Variants in SEMA3E observed in about 807,000 individuals in gnomAD.
SEMA3E encodes semaphorin 3E, also known as semaphorin-3E.
SEMA3E carries 49 observed loss-of-function variants against 93.6 expected under a neutral mutation model. That is an observed-to-expected ratio of 0.52 (90% CI 0.42 to 0.66). The LOEUF (loss-of-function observed/expected upper bound fraction) is 0.66, where lower values mean the gene tolerates loss of function less well. Among genes scored for constraint, SEMA3E ranks in the 30% least tolerant of loss-of-function variants. SEMA3E has a pLI of 0.00. For synonymous variants in SEMA3E, 363 were observed against 330.7 expected, an observed-to-expected ratio of 1.10 and a Z score of -1.06; for missense variants, 906 against 964.8, an observed-to-expected ratio of 0.94 and a Z score of 0.81.
intron 4 of SEMA3E, among the ~76,000 whole-genome samples, chr7:83,436,783 T>C (rs1789012829): frequency 6.6e-6 from 1 of 152,218 alleles, no homozygotes; most frequent in African/African-American, 2.4e-5. Flanking sequence ...TTGTTCAATA[T>C]TGGAAGAAGC....
intron 1 of SEMA3E, among the ~76,000 whole-genome samples, chr7:83,507,473 T>A (rs1006887954): frequency 1.0e-4 from 14 of 138,170 alleles, no homozygotes; most frequent in East Asian, 4.3e-4. Flanking sequence ...TGTGTGTGTG[T>A]GAAAGGGAGA....
intron 1 of SEMA3E, among the ~76,000 whole-genome samples, chr7:83,627,688 T>C (rs1562861484): frequency 7.0e-6 from 1 of 142,336 alleles, no homozygotes; most frequent in Non-Finnish European, 1.5e-5. Context: ...CCTACAACCC[T>C]TTATTTTGAG....
intron 1 of SEMA3E, among the ~76,000 whole-genome samples, chr7:83,519,021 G>T (rs1301333934): frequency 6.6e-6 from 1 of 151,746 alleles, no homozygotes; most frequent in Non-Finnish European, 1.5e-5. Context: ...TGCACAATGT[G>T]CAGGTTAGTT....
At chr7:83,378,043 A>G (rs1156342523) in intron 16 of SEMA3E, among the ~76,000 whole-genome samples, 3 of 151,904 alleles carry the variant, frequency 2.0e-5, no homozygotes, top group Non-Finnish European at 4.4e-5. Context: ...TGATTTGGCT[A>G]TAATTTTAAC....
chr7:83,444,739 C>T (rs1184551548), intron 4 of SEMA3E, among the ~76,000 whole-genome samples: 4 of 150,082 alleles, frequency 2.7e-5, no homozygotes, highest in African/African-American at 7.3e-5. Flanking sequence ...GGCTCAGTCT[C>T]GGCTCACTGC....
intron 1 of SEMA3E, among the ~76,000 whole-genome samples, chr7:83,553,903 T>C (rs1791828791): frequency 6.6e-6 from 1 of 152,142 alleles, no homozygotes; most frequent in Non-Finnish European, 1.5e-5. Flanking sequence ...GAGAGGCTAG[T>C]ACTATGAATC....
chr7:83,586,139 A>G (rs906934102), intron 1 of SEMA3E, among the ~76,000 whole-genome samples: 5 of 152,162 alleles, frequency 3.3e-5, no homozygotes, highest in Non-Finnish European at 7.3e-5. Flanking sequence ...GTCAATGACA[A>G]ATGTTTTCTT....
chr7:83,412,420 G>T (rs1788454265), intron 5 of SEMA3E, among the ~76,000 whole-genome samples: 1 of 151,920 alleles, frequency 6.6e-6, no homozygotes, highest in South Asian at 2.1e-4. Flanking sequence ...TTCCTTTCAG[G>T]GTTTAAAAAA....
chr7:83,511,343 T>C lies in SEMA3E; in HGVS notation c.116-21069A>G, dbSNP rs28394574. On this transcript the variant is annotated intron_variant, in intron 1 of 16. Transcript: ENST00000643230. ...TTTAGGATGAAAAGATTCAAAGAAATGTCAAAGGATTCTAATGCTTCATTT... is the reference window on the plus strand; with the variant it reads ...TTTAGGATGAAAAGATTCAAAGAAACGTCAAAGGATTCTAATGCTTCATTT... Among the ~76,000 whole-genome samples the C allele has an allele frequency of 3.0e-3, 452 of 151,344 alleles. 3 individuals are homozygous for C. Among genetic ancestry groups the C allele is most frequent in the African/African-American group, 0.01 (431 of 41,274 alleles).
intron 1 of SEMA3E, among the ~76,000 whole-genome samples, chr7:83,536,682 AAAAC>A (rs1199866106): frequency 1.3e-5 from 2 of 152,306 alleles, no homozygotes; most frequent in East Asian, 3.9e-4. Flanking sequence ...AAATATTAAA[AAAAC>A]AAAACCAGAC....
At chr7:83,550,182 C>T (rs569950981) in intron 1 of SEMA3E, among the ~76,000 whole-genome samples, 57 of 152,088 alleles carry the variant, frequency 3.7e-4, no homozygotes, top group Non-Finnish European at 4.6e-4. Context: ...CTATATAGGT[C>T]GCCTATCATT....
chr7:83,367,749 A>G lies in SEMA3E; in HGVS notation c.2165T>C (p.Phe722Ser), dbSNP rs1268615881. 1.2e-6 allele frequency: 2 copies of G among 1,613,994 alleles called. No homozygotes were observed. The highest frequency in any genetic ancestry group is 1.7e-6 in the Non-Finnish European group (2 of 1,180,000). ...EFLQLIGYSN[F>S]QRVEEYCEKV... ...CTCGCAGTATTCTTCCACTCTCTGG[A>G]AGTTGCTATAACCGATCAGCTGCAA... Residue 722 changes from phenylalanine to serine, a missense_variant, in exon 17 of 17, where the codon TTC becomes TCC. Physicochemically the swap from Phe to Ser is radical, Grantham distance 155. Coordinates refer to ENST00000643230, the MANE Select transcript of SEMA3E (RefSeq NM_012431.3).
At chr7:83,431,222 T>C (rs574219589) in intron 4 of SEMA3E, among the ~76,000 whole-genome samples, 11 of 84,800 alleles carry the variant, frequency 1.3e-4, no homozygotes, top group African/African-American at 3.1e-4. Flanking sequence ...TGAATTATAT[T>C]TGGTAGATAA....
intron 4 of SEMA3E, among the ~76,000 whole-genome samples, chr7:83,442,845 G>A (rs1314388725): frequency 6.6e-6 from 1 of 152,120 alleles, no homozygotes; most frequent in Non-Finnish European, 1.5e-5. Flanking sequence ...GCTCTGTCAG[G>A]TAGAAGTATT....
At chr7:83,574,930 T>C (rs1031686544) in intron 1 of SEMA3E, among the ~76,000 whole-genome samples, 6 of 152,178 alleles carry the variant, frequency 3.9e-5, no homozygotes, top group Admixed American at 3.9e-4. Flanking sequence ...GTGTTTTCAA[T>C]CACTAAGTTT....
At chr7:83,376,429 T>C (rs1417254230) in intron 16 of SEMA3E, among the ~76,000 whole-genome samples, 2 of 152,106 alleles carry the variant, frequency 1.3e-5, no homozygotes, top group African/African-American at 4.8e-5. Context: ...GTTTCATTTT[T>C]GTAGAAGCTG....
intron 2 of SEMA3E, among the ~76,000 whole-genome samples, chr7:83,484,111 C>T (rs1425830824): frequency 1.3e-5 from 2 of 152,148 alleles, no homozygotes; most frequent in African/African-American, 4.8e-5. Context: ...TACCTTCTTG[C>T]TCTGGTTAAA....
chr7:83,517,872 G>A (rs930970574), intron 1 of SEMA3E, among the ~76,000 whole-genome samples: 1 of 152,132 alleles, frequency 6.6e-6, no homozygotes, highest in African/African-American at 2.4e-5. Flanking sequence ...AGACAAGAGA[G>A]ATCTGAGGTA....
At chr7:83,580,649 T>A (rs1792499955) in intron 1 of SEMA3E, among the ~76,000 whole-genome samples, 1 of 152,000 alleles carries the variant, frequency 6.6e-6, no homozygotes, top group South Asian at 2.1e-4. Context: ...CTCCAAGAAG[T>A]CCTCCTTGAC....
Sources: allele counts gnomAD v4.1 joint callset (sites outside exome capture counted in the v4.1 genomes callset), GRCh38; gene constraint gnomAD v4.1.1; transcripts MANE v1.5; gene names NCBI Gene and HGNC (gene_info 2026-07-23, HGNC 2026-07-21).